TRIP4: variants seen among roughly 807,000 people sequenced by gnomAD.
TRIP4 encodes the protein thyroid hormone receptor interactor 4, also known as activating signal cointegrator 1.
A neutral mutation model predicts 81.8 loss-of-function variants in TRIP4; 54 were observed. That is an observed-to-expected ratio of 0.66 (90% confidence interval 0.53 to 0.83). TRIP4 has a LOEUF of 0.83. Among genes scored for constraint, TRIP4 ranks in the 40% least tolerant of loss-of-function variants. TRIP4 has a pLI of 0.00. For synonymous variants in TRIP4, 270 were observed against 242.8 expected (o/e 1.11, Z -1.04); for missense variants, 662 against 683.6 (o/e 0.97, Z 0.35).
chr15:64,389,708 CTTTTTT>C (rs368526429), intron 1 of TRIP4, among the ~76,000 whole-genome samples: 1 of 127,288 alleles, frequency 7.9e-6, no homozygotes, highest in Non-Finnish European at 1.7e-5. Context: ...AAAATTTTCA[CTTTTTT>C]TTTTTTTTTT....
intron 9 of TRIP4, among the ~76,000 whole-genome samples, chr15:64,421,398 A>C (rs2140299071): frequency 6.7e-6 from 1 of 149,422 alleles, no homozygotes; most frequent in Admixed American, 6.7e-5. Context: ...GTGCAGTGGC[A>C]TGATCTCGGC....
chr15:64,422,443 C>A (rs1596350248), intron 9 of TRIP4, among the ~76,000 whole-genome samples: 1 of 152,184 alleles, frequency 6.6e-6, no homozygotes, highest in African/African-American at 2.4e-5. Context: ...TGTTAAGGTG[C>A]ACTACACCTT....
intron 11 of TRIP4, among the ~76,000 whole-genome samples, chr15:64,438,415 G>T (rs1009610914): frequency 6.6e-6 from 1 of 152,150 alleles, no homozygotes; most frequent in African/African-American, 2.4e-5. Flanking sequence ...TGCCTCCCAG[G>T]TTCAAACGAT....
At chr15:64,393,094 C>T (rs1488504736) in intron 1 of TRIP4, among the ~76,000 whole-genome samples, 1 of 151,700 alleles carries the variant, frequency 6.6e-6, no homozygotes, top group Non-Finnish European at 1.5e-5. Flanking sequence ...TTCTTGCATT[C>T]CATATCATTG....
chr15:64,438,246 G>GTT (rs1359550607), intron 11 of TRIP4, among the ~76,000 whole-genome samples: 2 of 152,194 alleles, frequency 1.3e-5, no homozygotes, highest in African/African-American at 4.8e-5. Context: ...TAACTCAAGA[G>GTT]AAGTCTTCAG....
chr15:64,431,831 T>TTATATATATA (rs1223726422), intron 11 of TRIP4, among the ~76,000 whole-genome samples: 2 of 42,410 alleles, frequency 4.7e-5, no homozygotes, highest in Non-Finnish European at 1.6e-4. Flanking sequence ...ACCATTTATA[T>TTATATATATA]TATATATATA....
At chr15:64,391,904 G>C (rs1900142284) in intron 1 of TRIP4, among the ~76,000 whole-genome samples, 1 of 143,332 alleles carries the variant, frequency 7.0e-6, no homozygotes, top group Non-Finnish European at 1.5e-5. Flanking sequence ...CTAGGAGCCA[G>C]AGGTTGCAGT....
chr15:64,410,318 G>T (rs946460082), intron 7 of TRIP4, among the ~76,000 whole-genome samples: 1 of 151,952 alleles, frequency 6.6e-6, no homozygotes, highest in Non-Finnish European at 1.5e-5. Flanking sequence ...GAGTCACCAT[G>T]CTCAGCAAAA....
chr15:64,406,404 G>A lies in TRIP4; in HGVS notation c.772G>A (p.Gly258Ser), dbSNP rs1242588865. Residue 258 changes from glycine (G) to serine (S), a missense_variant, in exon 6 of 13, where the codon GGT becomes AGT. Physicochemically the swap from Gly to Ser is moderately conservative, Grantham distance 56. Coordinates refer to ENST00000261884, the MANE Select transcript of TRIP4 (RefSeq NM_016213.5). The stretch of plus-strand genomic sequence containing the variant: ...TCATCAAGAATTGCGAATTAAGTCT[G>A]GTCTGGAGAAGGCTATCAAGCATAA... ...LPHQELRIKSGLEKAIKHKDK... is the reference protein window; with the variant it reads ...LPHQELRIKSSLEKAIKHKDK... The A allele has an allele frequency of 6.2e-7, 1 of 1,614,114 alleles. No homozygotes were observed. Among genetic ancestry groups the A allele is most frequent in the Non-Finnish European group, 8.5e-7 (1 of 1,180,022 alleles).
At chr15:64,444,905 TATC>T in intron 11 of TRIP4, 98 bp from the exon 12 acceptor site, 2 of 658,234 alleles carry the variant, frequency 3.0e-6, no homozygotes, top group Non-Finnish European at 5.4e-6. Flanking sequence ...TGGAAAGTAG[TATC>T]ATCAGAATGT....
At chr15:64,426,699 C>CAAA (rs35662517) in intron 11 of TRIP4, among the ~76,000 whole-genome samples, 2 of 77,016 alleles carry the variant, frequency 2.6e-5, no homozygotes, top group African/African-American at 4.8e-5. Flanking sequence ...GACTCTGTCT[C>CAAA]AAAAAAAAAA....
At chr15:64,425,692 C>T (rs1300146924) in intron 11 of TRIP4, 61 bp downstream of exon 11, 17 of 1,376,050 alleles carry the variant, frequency 1.2e-5, no homozygotes, top group Non-Finnish European at 1.2e-5. Flanking sequence ...CCAGGCTGGT[C>T]TTGAAAGCAC....
intron 11 of TRIP4, among the ~76,000 whole-genome samples, chr15:64,433,308 G>C (rs920757493): frequency 7.2e-5 from 11 of 152,058 alleles, no homozygotes; most frequent in African/African-American, 2.7e-4. Context: ...TCCAAGCAGG[G>C]TGTCATTTCC....
At position 64,419,847 on chromosome 15, in the gene TRIP4, G is replaced by A. The variant is rs1296454113; in HGVS notation, c.1358+1119G>A. Among the ~76,000 whole-genome samples the A allele has an allele frequency of 2.0e-5, 3 of 151,486 alleles. No individual in the cohort carries two copies. In the East Asian group the frequency reaches 5.9e-4, roughly 30 times the overall value. On this transcript the variant is annotated intron_variant, in intron 9 of 12. Coordinates refer to ENST00000261884, the MANE Select transcript of TRIP4 (RefSeq NM_016213.5). ...TTTCTTTTTTTTGAGACAGAGTCTT[G>A]CTCTGTCACCCAGGCTAGAGTGCAG...
intron 4 of TRIP4, 88 bp from the exon 5 acceptor site, chr15:64,400,655 T>C: frequency 1.1e-6 from 1 of 938,182 alleles, no homozygotes; most frequent in Non-Finnish European, 1.7e-6. Context: ...CATCATCTAA[T>C]GTGTAATTTC....
At chr15:64,445,451 C>G (rs1256464371) in intron 12 of TRIP4, among the ~76,000 whole-genome samples, 1 of 146,516 alleles carries the variant, frequency 6.8e-6, no homozygotes, top group Non-Finnish European at 1.5e-5. Context: ...ATGGTGAAAC[C>G]CCCCCGTCTC....
At chr15:64,418,802 A>C in intron 9 of TRIP4, 74 bp downstream of exon 9, 1 of 1,397,088 alleles carries the variant, frequency 7.2e-7, no homozygotes, top group Non-Finnish European at 9.5e-7. Flanking sequence ...TATGAATTGG[A>C]ATTAGTTTTC....
At chr15:64,420,789 C>G (rs1440266501) in intron 9 of TRIP4, among the ~76,000 whole-genome samples, 1 of 151,966 alleles carries the variant, frequency 6.6e-6, no homozygotes, top group Non-Finnish European at 1.5e-5. Context: ...GCCTCGGCCT[C>G]TCAAAGTGCT....
In TRIP4 at chr15:64,400,752, C is replaced by CA; in HGVS notation, c.629dup (p.His210GlnfsTer2). On this transcript the variant is annotated frameshift_variant, in exon 5 of 13. Coordinates refer to ENST00000261884, the MANE Select transcript of TRIP4 (RefSeq NM_016213.5). LOFTEE classifies it high-confidence loss of function. ...TCTTACTATTTTACAGGTGTGTACT[C>CA]ATGAGGAACAAGATATTTTACAGCG... The CA allele has an allele frequency of 6.2e-7, 1 of 1,613,816 alleles. No individual in the cohort carries two copies. Among genetic ancestry groups the CA allele is most frequent in the Non-Finnish European group, 8.5e-7 (1 of 1,179,790 alleles).
Sources: allele counts gnomAD v4.1 joint callset (sites outside exome capture counted in the v4.1 genomes callset), GRCh38; gene constraint gnomAD v4.1.1; transcripts MANE v1.5; gene names NCBI Gene and HGNC (gene_info 2026-07-23, HGNC 2026-07-21).